IFT46: variants seen among roughly 807,000 people sequenced by gnomAD.
The protein encoded by IFT46 is intraflagellar transport protein 46 homolog.
Under a neutral mutation model 39.6 loss-of-function variants are expected in IFT46, and 19 were observed. The ratio of observed to expected loss-of-function variants is 0.48; its 90% CI spans 0.33 to 0.70. The LOEUF is 0.70. IFT46 is among the 30% of genes least tolerant of loss of function. The pLI is 0.01. For synonymous variants in IFT46, 117 were observed against 134.8 expected (o/e 0.87, Z 0.91); for missense variants, 334 against 364.8 (o/e 0.92, Z 0.69).
rs782723611 is a variant in IFT46, at chr11:118,559,772, A to G, written c.45+13T>C. On this transcript the variant is annotated intron_variant, in intron 3 of 11. Transcript: ENST00000264021. ...AGCAGAAATTCTACAAGAAGCTGTGAGTTTTACTGTACCTTGTTATTTTCC... is the reference window on the plus strand; with the variant it reads ...AGCAGAAATTCTACAAGAAGCTGTGGGTTTTACTGTACCTTGTTATTTTCC... 16 of 1,605,748 alleles carry G rather than the reference A, an allele frequency of 1.0e-5. No homozygotes were observed. Among genetic ancestry groups the G allele is most frequent in the Non-Finnish European group, 1.0e-5 (12 of 1,172,636 alleles).
upstream of IFT46, chr11:118,565,995 C>T (rs565401443): frequency 6.6e-6 from 1 of 152,178 alleles, no homozygotes; most frequent in Non-Finnish European, 1.5e-5. Context: ...TAAGCCTCAC[C>T]CGCGAAGGCT....
chr11:118,560,847 T>C, intron 2 of IFT46: 1 of 758,468 alleles, frequency 1.3e-6, no homozygotes, highest in East Asian at 2.4e-5. Flanking sequence ...AAGATGATAG[T>C]TCGTGTAACA....
chr11:118,556,210 G>A (rs185925329), intron 4 of IFT46, among the ~76,000 whole-genome samples: 1,706 of 152,154 alleles, frequency 0.011, 29 homozygotes, highest in African/African-American at 0.038. Context: ...ATTTTTGGGC[G>A]GCCGGGTGCA....
At chr11:118,556,222 T>C (rs978952536) in intron 4 of IFT46, among the ~76,000 whole-genome samples, 5 of 152,118 alleles carry the variant, frequency 3.3e-5, no homozygotes, top group Non-Finnish European at 5.9e-5. Flanking sequence ...CCGGGTGCAG[T>C]GGCTCACGCC....
intron 9 of IFT46, 193 bp from the exon 10 acceptor site, chr11:118,546,046 T>G: frequency 1.4e-6 from 1 of 713,016 alleles, no homozygotes; most frequent in Non-Finnish European, 2.6e-6. Context: ...AGATAACATC[T>G]TTAAAGAGAT....
At chr11:118,561,565 G>C (rs1938056660) in intron 2 of IFT46, 3 of 656,966 alleles carry the variant, frequency 4.6e-6, no homozygotes, top group Non-Finnish European at 8.3e-6. Context: ...CTCAGGAGCA[G>C]GCTGCTGAGA....
intron 3 of IFT46, among the ~76,000 whole-genome samples, chr11:118,559,187 A>G (rs1201346173): frequency 6.6e-6 from 1 of 151,922 alleles, no homozygotes; most frequent in Admixed American, 6.6e-5. Context: ...GGTTTTTAAG[A>G]AATCATATGT....
chr11:118,572,738 C>T (rs1938377110), exon 1 of IFT46: 2 of 578,102 alleles, frequency 3.5e-6, no homozygotes, highest in Admixed American at 6.8e-5. Flanking sequence ...GAGCTGACTC[C>T]AGTCCATCTG....
upstream of IFT46, among the ~76,000 whole-genome samples, chr11:118,570,095 G>A (rs145696651): frequency 4.8e-3 from 625 of 130,340 alleles, 11 homozygotes; most frequent in East Asian, 0.04. Context: ...CTGTCGCCAC[G>A]CTGGAGTGCA....
At chr11:118,576,426 TAAAAAA>T (rs10671866), upstream of IFT46, among the ~76,000 whole-genome samples, 49 of 108,770 alleles carry the variant, frequency 4.5e-4, 1 homozygote, top group African/African-American at 8.7e-4. Flanking sequence ...CCAAAAATGT[TAAAAAA>T]AAAAAAAAAA....
intron 3 of IFT46, chr11:118,557,911 C>T: frequency 6.4e-7 from 1 of 1,554,182 alleles, no homozygotes; most frequent in Admixed American, 2.1e-5. Flanking sequence ...ACCAATTGGC[C>T]CCCTTTAAAA....
chr11:118,545,360 T>C, intron 11 of IFT46, 49 bp downstream of exon 11: 1 of 1,330,874 alleles, frequency 7.5e-7, no homozygotes, highest in Non-Finnish European at 1.1e-6. Flanking sequence ...CAGTAGAAAC[T>C]ATAGTGATCC....
At chr11:118,563,079 G>C (rs1555070845) in intron 2 of IFT46, among the ~76,000 whole-genome samples, 1 of 149,282 alleles carries the variant, frequency 6.7e-6, no homozygotes, top group African/African-American at 2.5e-5. Context: ...AAAAAAAAAA[G>C]TGCAATATAC....
upstream of IFT46, chr11:118,572,980 C>G (rs1555072719): frequency 5.1e-6 from 1 of 196,894 alleles, no homozygotes; most frequent in African/African-American, 2.3e-5. Context: ...CAGAGCTTGT[C>G]TCCCACCCCC....
intron 3 of IFT46, among the ~76,000 whole-genome samples, chr11:118,558,805 C>T (rs1423948062): frequency 6.6e-6 from 1 of 151,502 alleles, no homozygotes. Flanking sequence ...GATCCCCCAG[C>T]TACTCGGGAG....
chr11:118,550,661 G>A (rs1001682033), intron 9 of IFT46, among the ~76,000 whole-genome samples: 5 of 152,110 alleles, frequency 3.3e-5, no homozygotes, highest in Non-Finnish European at 7.4e-5. Context: ...ATACAGTTGA[G>A]GCAGAAACCT....
At chr11:118,555,498 C>A in intron 4 of IFT46, 176 bp from the exon 5 acceptor site, 1 of 547,914 alleles carries the variant, frequency 1.8e-6, no homozygotes. Context: ...TTGTACTTAA[C>A]TCTCAATTAT....
upstream of IFT46, among the ~76,000 whole-genome samples, chr11:118,569,391 G>C (rs1026680755): frequency 1.3e-5 from 2 of 150,182 alleles, no homozygotes; most frequent in Admixed American, 1.3e-4. Context: ...TCAGGAGTTC[G>C]AGACCAGCCT....
At position 118,544,896 on chromosome 11, in the gene IFT46, ACAG is replaced by A. The variant is rs1951637944; in HGVS notation, c.*17_*19del. 6.3e-7 allele frequency: 1 copy of A among 1,576,082 alleles called. No individual in the cohort carries two copies. The highest frequency in any genetic ancestry group is 1.1e-5 in the South Asian group (1 of 89,756). On this transcript the variant is annotated 3_prime_UTR_variant, in exon 12 of 12. Transcript: ENST00000264021. ...GCAGAGGGGCCAGCTCAGCCTTGAA[ACAG>A]CAGCTTGGGAAGTGTCTCAGCTGAA...
Sources: gnomAD v4.1 joint callset for allele counts (sites outside exome capture counted in the v4.1 genomes callset) on GRCh38, gnomAD v4.1.1 for gene constraint, MANE v1.5 for transcripts, NCBI Gene and HGNC (gene_info 2026-07-23, HGNC 2026-07-21) for gene names.